The following FCHSD2 variants were observed in gnomAD, a reference collection of about 807,000 sequenced individuals.
FCHSD2 encodes FCH and double SH3 domains 2, also known as F-BAR and double SH3 domains protein 2.
A neutral mutation model predicts 108.1 loss-of-function variants in FCHSD2; 38 were observed. The ratio of observed to expected loss-of-function variants is 0.35; its 90% CI spans 0.27 to 0.46. FCHSD2 has a LOEUF of 0.46. Ranked by LOEUF, FCHSD2 falls within the 20% of genes least tolerant of loss-of-function variation. FCHSD2 has a pLI of 1.00. For missense variants in FCHSD2, 751 were observed against 897.8 expected, an observed-to-expected ratio of 0.84 and a Z score of 2.09; for synonymous variants, 279 against 314.7, an observed-to-expected ratio of 0.89 and a Z score of 1.20.
At chr11:72,849,992 C>T (rs1861238972) in intron 13 of FCHSD2, 103 bp from the exon 14 acceptor site, 2 of 811,648 alleles carry the variant, frequency 2.5e-6, no homozygotes, top group African/African-American at 1.7e-5. Context: ...GTTAATTTGC[C>T]TTTTAACTCT....
At chr11:73,000,386 AT>A (rs956646065) in intron 5 of FCHSD2, among the ~76,000 whole-genome samples, 1 of 152,154 alleles carries the variant, frequency 6.6e-6, no homozygotes, top group Non-Finnish European at 1.5e-5. Flanking sequence ...TCAATCACCT[AT>A]TTTCAACAGC....
At chr11:72,870,253 T>C (rs932483570) in intron 12 of FCHSD2, among the ~76,000 whole-genome samples, 26 of 152,312 alleles carry the variant, frequency 1.7e-4, no homozygotes, top group Admixed American at 1.2e-3. Flanking sequence ...TCTATATAGA[T>C]CTAATTACAA....
At position 72,841,591 on chromosome 11, in the gene FCHSD2, A is replaced by G. The variant is rs1386338291; in HGVS notation, c.1927-8T>C. 6.3e-7 allele frequency: 1 copy of G among 1,596,530 alleles called. No individual in the cohort carries two copies. Among genetic ancestry groups the G allele is most frequent in the Non-Finnish European group, 8.5e-7 (1 of 1,172,548 alleles). On this transcript the variant is annotated splice_polypyrimidine_tract_variant and splice_region_variant and intron_variant, in intron 17 of 19. Transcript: ENST00000409418. ...CTTGGGGGAAGGAGAGATCTGCAGC[A>G]AAGGGAAGCGAGGTTACCCGGTGCT... is the stretch of plus-strand genomic sequence containing the variant.
chr11:73,075,320 C>G (rs1859524102), intron 3 of FCHSD2, among the ~76,000 whole-genome samples: 1 of 152,084 alleles, frequency 6.6e-6, no homozygotes, highest in Non-Finnish European at 1.5e-5. Context: ...CCCAATAGAA[C>G]ACATTCATAT....
rs75407017 is a variant in FCHSD2, at chr11:73,073,606, C to T, written c.165+10089G>A. 5.1e-3 allele frequency among the ~76,000 whole-genome samples: 772 copies of T among 152,302 alleles called. 4 individuals carry two copies. The highest frequency in any genetic ancestry group is 0.01 in the Middle Eastern group (3 of 294). The stretch of plus-strand genomic sequence containing the variant: ...TTTTAGGATGGCTCACCTGTATGCT[C>T]TGTAAACCTCACAAACGCTCAATCT... On this transcript the variant is annotated intron_variant, in intron 3 of 19. Coordinates refer to ENST00000409418, the MANE Select transcript of FCHSD2 (RefSeq NM_014824.3).
At chr11:73,122,614 A>G (rs1226564709) in intron 2 of FCHSD2, among the ~76,000 whole-genome samples, 2 of 152,244 alleles carry the variant, frequency 1.3e-5, no homozygotes, top group African/African-American at 4.8e-5. Flanking sequence ...ACTAGTGTTA[A>G]TGAGGGAAAA....
chr11:72,943,053 G>A (rs1856451906), intron 8 of FCHSD2, among the ~76,000 whole-genome samples: 1 of 152,166 alleles, frequency 6.6e-6, no homozygotes, highest in Admixed American at 6.5e-5. Flanking sequence ...GTGCAATGGT[G>A]CGATCTTGGC....
chr11:72,865,674 T>C (rs1402584277), intron 13 of FCHSD2, among the ~76,000 whole-genome samples: 1 of 152,186 alleles, frequency 6.6e-6, no homozygotes, highest in Non-Finnish European at 1.5e-5. Flanking sequence ...GCACACTTTC[T>C]TCCCTATTCT....
intron 2 of FCHSD2, among the ~76,000 whole-genome samples, chr11:73,133,267 G>A (rs974544887): frequency 1.3e-5 from 2 of 151,982 alleles, no homozygotes; most frequent in Non-Finnish European, 2.9e-5. Flanking sequence ...TCCATTTTTA[G>A]GTATATATCC....
At chr11:73,108,715 C>A (rs1860408151) in intron 2 of FCHSD2, among the ~76,000 whole-genome samples, 1 of 152,030 alleles carries the variant, frequency 6.6e-6, no homozygotes, top group Admixed American at 6.5e-5. Context: ...ACTACAGGCG[C>A]CCGCCACCGC....
At chr11:72,981,352 G>A (rs937556009) in intron 8 of FCHSD2, among the ~76,000 whole-genome samples, 2 of 152,070 alleles carry the variant, frequency 1.3e-5, no homozygotes, top group African/African-American at 4.8e-5. Flanking sequence ...GAGCTGGCCA[G>A]GCCCTTTAAC....
At chr11:73,093,168 G>C (rs938670685) in intron 2 of FCHSD2, among the ~76,000 whole-genome samples, 1 of 152,218 alleles carries the variant, frequency 6.6e-6, no homozygotes, top group Non-Finnish European at 1.5e-5. Flanking sequence ...CATCATTGCA[G>C]AAGAAGTGAA....
chr11:72,862,893 G>C (rs946560466), intron 13 of FCHSD2, among the ~76,000 whole-genome samples: 2 of 152,018 alleles, frequency 1.3e-5, no homozygotes, highest in African/African-American at 4.8e-5. Flanking sequence ...CAATAGAACA[G>C]AACAAAATGT....
intron 9 of FCHSD2, among the ~76,000 whole-genome samples, chr11:72,921,287 T>C (rs1052522348): frequency 3.3e-5 from 5 of 152,242 alleles, no homozygotes; most frequent in Non-Finnish European, 7.3e-5. Context: ...AGTCATTGCA[T>C]TTATTTTCTC....
intron 5 of FCHSD2, among the ~76,000 whole-genome samples, chr11:72,997,897 C>T (rs1565360951): frequency 6.6e-6 from 1 of 152,156 alleles, no homozygotes; most frequent in Non-Finnish European, 1.5e-5. Context: ...GACGGGATTT[C>T]ACCATGTTGG....
intron 13 of FCHSD2, among the ~76,000 whole-genome samples, chr11:72,857,739 C>T (rs1321622935): frequency 4.6e-5 from 7 of 152,056 alleles, no homozygotes; most frequent in Middle Eastern, 3.4e-3. Flanking sequence ...CATGAGCCAC[C>T]GCGCCCGGCC....
chr11:72,965,479 T>G (rs1856891305), intron 8 of FCHSD2, among the ~76,000 whole-genome samples: 1 of 152,252 alleles, frequency 6.6e-6, no homozygotes, highest in Non-Finnish European at 1.5e-5. Flanking sequence ...TAAAGCCTTT[T>G]GTGACTTTCC....
intron 14 of FCHSD2, among the ~76,000 whole-genome samples, chr11:72,844,300 G>A (rs2135158691): frequency 6.6e-6 from 1 of 152,304 alleles, no homozygotes. Flanking sequence ...ATGATAGTGG[G>A]TGCAGTGCCT....
chr11:73,132,835 A>C (rs1452929459), intron 2 of FCHSD2, among the ~76,000 whole-genome samples: 2 of 151,710 alleles, frequency 1.3e-5, no homozygotes, highest in African/African-American at 4.8e-5. Context: ...AAAAAAAAAA[A>C]AAAAAAACCT....
Sources: allele counts gnomAD v4.1 joint callset (sites outside exome capture counted in the v4.1 genomes callset), GRCh38; gene constraint gnomAD v4.1.1; transcripts MANE v1.5; gene names NCBI Gene and HGNC (gene_info 2026-07-23, HGNC 2026-07-21).